Variants in CHSY3 observed in about 807,000 individuals in gnomAD.
CHSY3 encodes the protein chondroitin sulfate synthase 3.
Under a neutral mutation model 67.2 loss-of-function variants are expected in CHSY3, and 35 were observed. That is an observed-to-expected ratio of 0.52 (90% confidence interval 0.40 to 0.69). The LOEUF is 0.69. Ranked by LOEUF, CHSY3 falls within the 30% of genes least tolerant of loss-of-function variation. CHSY3 has a pLI of 0.00. For synonymous variants in CHSY3, 474 were observed against 434.7 expected, an observed-to-expected ratio of 1.09 and a Z score of -1.12; for missense variants, 1,069 against 1,138.5, an observed-to-expected ratio of 0.94 and a Z score of 0.88.
chr5:130,073,481 T>G (rs2149682887), intron 2 of CHSY3, among the ~76,000 whole-genome samples: 1 of 151,648 alleles, frequency 6.6e-6, no homozygotes, highest in East Asian at 2.0e-4. Context: ...AGAGATGGGG[T>G]TTCACCATGT....
chr5:129,942,993 A>T (rs1412022919), intron 2 of CHSY3, among the ~76,000 whole-genome samples: 2 of 152,130 alleles, frequency 1.3e-5, no homozygotes, highest in African/African-American at 4.8e-5. Flanking sequence ...TTTTCCACAA[A>T]AGTTATATAT....
intron 2 of CHSY3, among the ~76,000 whole-genome samples, chr5:130,085,247 G>T (rs1295818010): frequency 6.6e-6 from 1 of 151,936 alleles, no homozygotes; most frequent in Non-Finnish European, 1.5e-5. Context: ...ACTAAAATTT[G>T]TAAAACTTTT....
intron 2 of CHSY3, among the ~76,000 whole-genome samples, chr5:130,023,463 G>GAAT (rs1764449205): frequency 6.6e-6 from 1 of 151,964 alleles, no homozygotes; most frequent in Non-Finnish European, 1.5e-5. Context: ...TATAAAGCAA[G>GAAT]AATAATAATA....
intron 2 of CHSY3, among the ~76,000 whole-genome samples, chr5:130,173,445 TG>T (rs1250698397): frequency 1.3e-5 from 2 of 152,292 alleles, no homozygotes; most frequent in Admixed American, 1.3e-4. Flanking sequence ...AATCCACTGA[TG>T]TTATTCAGAT....
chr5:129,912,184 G>T lies in CHSY3; in HGVS notation c.1086+3824G>T, dbSNP rs185704564. Among the ~76,000 whole-genome samples the T allele has an allele frequency of 3.3e-5, 5 of 152,236 alleles. No homozygotes were observed. In the East Asian group the frequency reaches 9.6e-4, roughly 29 times the overall value. On this transcript the variant is annotated intron_variant, in intron 2 of 2. Coordinates refer to ENST00000305031, the MANE Select transcript of CHSY3 (RefSeq NM_175856.5). Reference sequence around the variant, plus strand: ...ATAAGATATATATAACTGAATTTGAGGATGTTGTGTGGAAAATATTACTTA... The same window carrying T: ...ATAAGATATATATAACTGAATTTGATGATGTTGTGTGGAAAATATTACTTA...
At chr5:129,908,901 T>G (rs1480766255) in intron 2 of CHSY3, among the ~76,000 whole-genome samples, 1 of 152,142 alleles carries the variant, frequency 6.6e-6, no homozygotes, top group Non-Finnish European at 1.5e-5. Context: ...GGTAGATGTA[T>G]TCACAAAATT....
At chr5:130,051,828 A>C (rs1765366613) in intron 2 of CHSY3, among the ~76,000 whole-genome samples, 1 of 152,076 alleles carries the variant, frequency 6.6e-6, no homozygotes, top group Non-Finnish European at 1.5e-5. Flanking sequence ...AGACGTTAGA[A>C]TTTGAGTTGC....
intron 2 of CHSY3, among the ~76,000 whole-genome samples, chr5:129,924,711 T>G (rs1319145004): frequency 6.6e-6 from 1 of 151,902 alleles, no homozygotes; most frequent in South Asian, 2.1e-4. Context: ...AGATATCATC[T>G]TTATTCTTTT....
At chr5:130,162,040 CAAAAAAAA>C (rs371228605) in intron 2 of CHSY3, among the ~76,000 whole-genome samples, 3 of 65,058 alleles carry the variant, frequency 4.6e-5, no homozygotes, top group African/African-American at 1.3e-4. Context: ...GACCCTGTCT[CAAAAAAAA>C]AAAAAAAAAA....
chr5:130,137,883 G>A (rs868262871), intron 2 of CHSY3, among the ~76,000 whole-genome samples: 2 of 152,146 alleles, frequency 1.3e-5, no homozygotes, highest in Non-Finnish European at 2.9e-5. Flanking sequence ...ATATGGCAAT[G>A]TGGACCCAAC....
intron 2 of CHSY3, among the ~76,000 whole-genome samples, chr5:129,945,904 C>CT (rs1346260111): frequency 1.3e-5 from 2 of 151,846 alleles, no homozygotes; most frequent in African/African-American, 4.8e-5. Context: ...TCTTTTTTCT[C>CT]TTTTTTTTAT....
At position 130,149,329 on chromosome 5, in the gene CHSY3, G is replaced by A. The variant is rs115390173; in HGVS notation, c.1087-34900G>A. On this transcript the variant is annotated intron_variant, in intron 2 of 2. Transcript: ENST00000305031. Reference sequence around the variant, plus strand: ...GCTCATGGTTCTGCAGGCTTCACAGGAAGCATAGTACCAGTATCTGCTTCT... The same window carrying A: ...GCTCATGGTTCTGCAGGCTTCACAGAAAGCATAGTACCAGTATCTGCTTCT... Among the ~76,000 whole-genome samples, 1,491 of 152,284 alleles carry A rather than the reference G, an allele frequency of 9.8e-3. 30 individuals carry two copies. The highest frequency in any genetic ancestry group is 0.034 in the African/African-American group (1,418 of 41,546).
At chr5:130,036,513 T>C (rs1764867087) in intron 2 of CHSY3, among the ~76,000 whole-genome samples, 1 of 152,118 alleles carries the variant, frequency 6.6e-6, no homozygotes, top group Non-Finnish European at 1.5e-5. Context: ...GTTCATTGCT[T>C]AAATATCATG....
Position 129,969,845 on chromosome 5 carries a change from A to T in CHSY3, c.1086+61485A>T, listed in dbSNP as rs182867561. Among the ~76,000 whole-genome samples the T allele has an allele frequency of 6.2e-4, 95 of 152,048 alleles. No individual in the cohort carries two copies. In the East Asian group the frequency reaches 9.5e-3, roughly 15 times the overall value. ...TTTACTTTAATTAATGCAATTAGGC[A>T]GTTTCTTTCTGTTGTATCAAAAAGA... On this transcript the variant is annotated intron_variant, in intron 2 of 2. Coordinates refer to ENST00000305031, the MANE Select transcript of CHSY3 (RefSeq NM_175856.5).
chr5:130,028,863 CTCTG>C (rs1462915881), intron 2 of CHSY3, among the ~76,000 whole-genome samples: 1 of 151,758 alleles, frequency 6.6e-6, no homozygotes, highest in African/African-American at 2.4e-5. Flanking sequence ...CTCTTGCTGC[CTCTG>C]TCTCTCTTCC....
chr5:130,171,355 G>A (rs1320047577), intron 2 of CHSY3, among the ~76,000 whole-genome samples: 1 of 151,964 alleles, frequency 6.6e-6, no homozygotes, highest in Non-Finnish European at 1.5e-5. Flanking sequence ...GTTCTAAAAG[G>A]GTAGTTTTAA....
chr5:130,064,320 A>G (rs1454060374), intron 2 of CHSY3, among the ~76,000 whole-genome samples: 1 of 152,130 alleles, frequency 6.6e-6, no homozygotes, highest in Non-Finnish European at 1.5e-5. Context: ...TCATGTAGAT[A>G]TAAGGTCCAT....
intron 2 of CHSY3, among the ~76,000 whole-genome samples, chr5:129,918,615 A>T (rs1476008940): frequency 2.0e-5 from 3 of 152,126 alleles, no homozygotes; most frequent in Admixed American, 1.3e-4. Flanking sequence ...ACATAGGGGC[A>T]ATGCCAGGTG....
At chr5:129,922,230 A>G (rs1018551633) in intron 2 of CHSY3, among the ~76,000 whole-genome samples, 1 of 152,234 alleles carries the variant, frequency 6.6e-6, no homozygotes, top group Non-Finnish European at 1.5e-5. Flanking sequence ...TTATCTGTTC[A>G]TCCACTGATG....
Sources: gnomAD v4.1 joint callset for allele counts (sites outside exome capture counted in the v4.1 genomes callset) on GRCh38, gnomAD v4.1.1 for gene constraint, MANE v1.5 for transcripts, NCBI Gene and HGNC (gene_info 2026-07-23, HGNC 2026-07-21) for gene names.